NXPH1: variants seen among roughly 807,000 people sequenced by gnomAD.
NXPH1 encodes neurexophilin 1, also known as neurexophilin-1.
A neutral mutation model predicts 23.7 loss-of-function variants in NXPH1; 5 were observed. The observed-to-expected ratio is 0.21, with a 90% confidence interval of 0.11 to 0.44. The LOEUF is 0.44. Ranked by LOEUF, NXPH1 falls within the 20% of genes least tolerant of loss-of-function variation. The pLI is 0.99. For synonymous variants in NXPH1, 144 were observed against 122.2 expected (o/e 1.18, Z -1.18); for missense variants, 324 against 321.6 (o/e 1.01, Z -0.06).
At chr7:8,716,172 G>A (rs1480532499) in intron 2 of NXPH1, among the ~76,000 whole-genome samples, 1 of 152,086 alleles carries the variant, frequency 6.6e-6, no homozygotes, top group Non-Finnish European at 1.5e-5. Context: ...GGCAGTAAAG[G>A]AATGTGAGCG....
chr7:8,582,845 C>G (rs543708960), intron 2 of NXPH1, among the ~76,000 whole-genome samples: 3 of 152,302 alleles, frequency 2.0e-5, no homozygotes, highest in African/African-American at 7.2e-5. Flanking sequence ...GGGACCCACC[C>G]CTTTCCACCC....
intron 2 of NXPH1, among the ~76,000 whole-genome samples, chr7:8,663,752 A>G (rs1368824993): frequency 6.6e-6 from 1 of 152,098 alleles, no homozygotes; most frequent in Non-Finnish European, 1.5e-5. Flanking sequence ...AGCTGAAAGG[A>G]GTCTAATCCT....
At chr7:8,734,355 G>A (rs576400144) in intron 2 of NXPH1, among the ~76,000 whole-genome samples, 81 of 152,134 alleles carry the variant, frequency 5.3e-4, no homozygotes, top group Middle Eastern at 3.4e-3. Context: ...TTGGCTATAC[G>A]GGCTCTTTTT....
chr7:8,579,747 T>G (rs1475154968), intron 2 of NXPH1, among the ~76,000 whole-genome samples: 1 of 152,230 alleles, frequency 6.6e-6, no homozygotes, highest in Non-Finnish European at 1.5e-5. Context: ...ATCACATGAT[T>G]GTTCCACTTG....
At chr7:8,538,514 A>G (rs1234086725) in intron 2 of NXPH1, among the ~76,000 whole-genome samples, 1 of 151,932 alleles carries the variant, frequency 6.6e-6, no homozygotes, top group Non-Finnish European at 1.5e-5. Context: ...GAGGATAAAG[A>G]TAATGGGTAC....
intron 2 of NXPH1, among the ~76,000 whole-genome samples, chr7:8,584,830 G>A (rs1489449485): frequency 2.0e-5 from 3 of 152,120 alleles, no homozygotes; most frequent in Non-Finnish European, 4.4e-5. Flanking sequence ...TATCTCAGTG[G>A]CCTTTTCACA....
intron 2 of NXPH1, among the ~76,000 whole-genome samples, chr7:8,657,560 A>C (rs551634615): frequency 6.6e-6 from 1 of 152,330 alleles, no homozygotes; most frequent in Non-Finnish European, 1.5e-5. Flanking sequence ...ATCAAATCAG[A>C]GATGAGGGCT....
intron 2 of NXPH1, among the ~76,000 whole-genome samples, chr7:8,695,197 G>A (rs142897177): frequency 6.6e-5 from 10 of 152,208 alleles, no homozygotes; most frequent in African/African-American, 2.4e-4. Context: ...AATAATATTA[G>A]CTCCAATTTA....
At chr7:8,516,679 T>A (rs988918476) in intron 2 of NXPH1, among the ~76,000 whole-genome samples, 1 of 152,144 alleles carries the variant, frequency 6.6e-6, no homozygotes, top group African/African-American at 2.4e-5. Flanking sequence ...TTATATACTT[T>A]CAGTTATTAA....
chr7:8,453,174 G>C (rs1197891650), intron 2 of NXPH1, among the ~76,000 whole-genome samples: 1 of 152,058 alleles, frequency 6.6e-6, no homozygotes, highest in Non-Finnish European at 1.5e-5. Context: ...GAGAGAGGGA[G>C]AGGAAGAAAG....
At chr7:8,458,311 G>A (rs1292269547) in intron 2 of NXPH1, among the ~76,000 whole-genome samples, 1 of 152,170 alleles carries the variant, frequency 6.6e-6, no homozygotes, top group East Asian at 1.9e-4. Context: ...TCTAAGTGGG[G>A]GAAGGAAACA....
At chr7:8,742,945 AAGTT>A (rs1338811504) in intron 2 of NXPH1, among the ~76,000 whole-genome samples, 1 of 151,998 alleles carries the variant, frequency 6.6e-6, no homozygotes. Context: ...ATTGACCTCA[AAGTT>A]AGTGAGTGTG....
At chr7:8,685,064 C>T (rs1821124508) in intron 2 of NXPH1, among the ~76,000 whole-genome samples, 1 of 152,112 alleles carries the variant, frequency 6.6e-6, no homozygotes, top group African/African-American at 2.4e-5. Context: ...TCCCTTCCCT[C>T]TCCTGCCAGT....
chr7:8,602,955 C>T (rs1460794084), intron 2 of NXPH1, among the ~76,000 whole-genome samples: 6 of 152,166 alleles, frequency 3.9e-5, no homozygotes, highest in African/African-American at 9.6e-5. Flanking sequence ...GGATTACAGG[C>T]GCCCACCACC....
chr7:8,589,713 T>C (rs570189124), intron 2 of NXPH1, among the ~76,000 whole-genome samples: 1 of 152,188 alleles, frequency 6.6e-6, no homozygotes, highest in South Asian at 2.1e-4. Flanking sequence ...AAGTTGGGGC[T>C]GAACGGAAGC....
chr7:8,480,423 T>C (rs769927994), intron 2 of NXPH1, among the ~76,000 whole-genome samples: 1 of 152,208 alleles, frequency 6.6e-6, no homozygotes, highest in Non-Finnish European at 1.5e-5. Context: ...TACCTGGGTA[T>C]GCCCAATGCT....
At chr7:8,749,153 A>C (rs1780522275) in intron 2 of NXPH1, among the ~76,000 whole-genome samples, 1 of 152,136 alleles carries the variant, frequency 6.6e-6, no homozygotes, top group South Asian at 2.1e-4. Flanking sequence ...ATTCTCCTCA[A>C]ACATCAGCTT....
chr7:8,489,109 T>G (rs1457919437), intron 2 of NXPH1, among the ~76,000 whole-genome samples: 1 of 152,086 alleles, frequency 6.6e-6, no homozygotes, highest in Admixed American at 6.6e-5. Flanking sequence ...TCCAAGAGAA[T>G]TTCATGTGAT....
chr7:8,475,109 G>T (rs533719612), intron 2 of NXPH1, among the ~76,000 whole-genome samples: 4 of 152,210 alleles, frequency 2.6e-5, no homozygotes, highest in African/African-American at 9.6e-5. Context: ...TTCCTGCAGT[G>T]TATTATTCTC....
Sources: gnomAD v4.1 joint callset for allele counts (sites outside exome capture counted in the v4.1 genomes callset) on GRCh38, gnomAD v4.1.1 for gene constraint, MANE v1.5 for transcripts, NCBI Gene and HGNC (gene_info 2026-07-23, HGNC 2026-07-21) for gene names.